The following DENND5B variants were observed in gnomAD, a reference collection of about 807,000 sequenced individuals.
DENND5B encodes the protein DENN domain containing 5B.
DENND5B carries 34 observed loss-of-function variants against 140.6 expected under a neutral mutation model. That is an observed-to-expected ratio of 0.24 (90% CI 0.18 to 0.32). DENND5B has a LOEUF of 0.32. DENND5B is among the 10% of genes least tolerant of loss of function. The pLI is 1.00. For missense variants in DENND5B, 1,142 were observed against 1,560.2 expected, an observed-to-expected ratio of 0.73 and a Z score of 4.52; for synonymous variants, 551 against 562.1, an observed-to-expected ratio of 0.98 and a Z score of 0.28.
At chr12:31,511,507 G>C (rs1377729662) in intron 1 of DENND5B, among the ~76,000 whole-genome samples, 1 of 149,524 alleles carries the variant, frequency 6.7e-6, no homozygotes, top group Non-Finnish European at 1.5e-5. Context: ...TTCCTTTCTT[G>C]GTTATCTTAA....
chr12:31,523,664 C>T (rs1947985194), intron 1 of DENND5B, among the ~76,000 whole-genome samples: 1 of 150,488 alleles, frequency 6.6e-6, no homozygotes, highest in African/African-American at 2.4e-5. Flanking sequence ...AAATTGTACA[C>T]TTCAGAATGG....
chr12:31,568,223 T>A (rs191647385), intron 1 of DENND5B, among the ~76,000 whole-genome samples: 73 of 152,332 alleles, frequency 4.8e-4, no homozygotes, highest in Non-Finnish European at 7.3e-5. Flanking sequence ...GCTACATGAA[T>A]AAGGTACATA....
At chr12:31,459,805 G>C (rs1421587893) in intron 4 of DENND5B, among the ~76,000 whole-genome samples, 1 of 151,916 alleles carries the variant, frequency 6.6e-6, no homozygotes, top group South Asian at 2.1e-4. Context: ...ATTTGATAGA[G>C]GTCAAAAATA....
intron 3 of DENND5B, among the ~76,000 whole-genome samples, chr12:31,472,558 T>G (rs994603179): frequency 6.6e-6 from 1 of 151,980 alleles, no homozygotes; most frequent in East Asian, 1.9e-4. Flanking sequence ...TTCCAAAGCA[T>G]TGGGATTACA....
At chr12:31,565,326 A>G (rs1949589511) in intron 1 of DENND5B, among the ~76,000 whole-genome samples, 1 of 152,140 alleles carries the variant, frequency 6.6e-6, no homozygotes, top group Non-Finnish European at 1.5e-5. Flanking sequence ...CCCAGGAGGC[A>G]GAGGTTGCAG....
At chr12:31,422,574 C>G (rs1439499885) in intron 11 of DENND5B, among the ~76,000 whole-genome samples, 1 of 152,188 alleles carries the variant, frequency 6.6e-6, no homozygotes, top group Non-Finnish European at 1.5e-5. Context: ...GTACTCCAAC[C>G]TGGGTGACAA....
intron 1 of DENND5B, among the ~76,000 whole-genome samples, chr12:31,576,585 T>C (rs945108132): frequency 6.6e-6 from 1 of 152,058 alleles, no homozygotes; most frequent in South Asian, 2.1e-4. Context: ...GACAGACATT[T>C]CCAAGAGTTT....
At chr12:31,417,685 CTAAGCAAACATCT>C (rs1466273725) in intron 11 of DENND5B, among the ~76,000 whole-genome samples, 17 of 152,114 alleles carry the variant, frequency 1.1e-4, no homozygotes, top group Admixed American at 1.1e-3. Flanking sequence ...ATAGCAACGG[CTAAGCAAACATCT>C]ATTGGCTAAT....
intron 1 of DENND5B, chr12:31,534,875 T>C (rs1948426440): frequency 2.4e-6 from 1 of 421,458 alleles, no homozygotes; most frequent in Non-Finnish European, 4.7e-6. Flanking sequence ...ATCTTTGCTG[T>C]CTCCTTTCCC....
chr12:31,457,883 T>C (rs1944850964), intron 4 of DENND5B, among the ~76,000 whole-genome samples: 1 of 151,656 alleles, frequency 6.6e-6, no homozygotes, highest in African/African-American at 2.4e-5. Context: ...CCGGCTATTT[T>C]TTTTGTATTT....
chr12:31,495,535 C>A (rs547269888), intron 2 of DENND5B, among the ~76,000 whole-genome samples: 1 of 152,044 alleles, frequency 6.6e-6, no homozygotes, highest in African/African-American at 2.4e-5. Flanking sequence ...TGTGCCACCA[C>A]ACCTGGCCAA....
At chr12:31,437,554 A>C (rs1156236543) in intron 7 of DENND5B, among the ~76,000 whole-genome samples, 1 of 152,284 alleles carries the variant, frequency 6.6e-6, no homozygotes, top group African/African-American at 2.4e-5. Flanking sequence ...CTTTATTCCA[A>C]GACTCACATT....
At chr12:31,523,466 C>A (rs1453113641) in intron 1 of DENND5B, among the ~76,000 whole-genome samples, 1 of 152,152 alleles carries the variant, frequency 6.6e-6, no homozygotes, top group Non-Finnish European at 1.5e-5. Flanking sequence ...AGCGGGAATG[C>A]AGTGGCCTAA....
At chr12:31,556,257 T>C (rs142947265) in intron 1 of DENND5B, among the ~76,000 whole-genome samples, 1,752 of 152,056 alleles carry the variant, frequency 0.012, 23 homozygotes, top group African/African-American at 0.04. Flanking sequence ...CAGACTGGAG[T>C]GGAGCAGCAT....
intron 17 of DENND5B, among the ~76,000 whole-genome samples, chr12:31,393,909 C>T (rs1292920659): frequency 5.9e-5 from 9 of 152,230 alleles, no homozygotes; most frequent in African/African-American, 1.9e-4. Context: ...ACGCTGGTCT[C>T]GAACTCCTGA....
At chr12:31,499,503 T>A in intron 1 of DENND5B, 1 of 907,164 alleles carries the variant, frequency 1.1e-6, no homozygotes, top group African/African-American at 1.7e-5. Context: ...CATCTACAAG[T>A]CTGACCAAGC....
intron 4 of DENND5B, among the ~76,000 whole-genome samples, chr12:31,457,034 T>C (rs1180368043): frequency 1.3e-5 from 2 of 152,212 alleles, no homozygotes; most frequent in African/African-American, 2.4e-5. Context: ...CAGTGAGCTG[T>C]GCCACCACAT....
chr12:31,551,811 A>G (rs1249344105), intron 1 of DENND5B, among the ~76,000 whole-genome samples: 1 of 152,166 alleles, frequency 6.6e-6, no homozygotes, highest in African/African-American at 2.4e-5. Flanking sequence ...TAGGTATTTT[A>G]TTCTCTTTGA....
chr12:31,541,678 C>T (rs1455123082), intron 1 of DENND5B, among the ~76,000 whole-genome samples: 2 of 152,190 alleles, frequency 1.3e-5, no homozygotes, highest in African/African-American at 2.4e-5. Context: ...ACCATATGAT[C>T]CAGTGATCCC....
Sources: gnomAD v4.1 joint callset for allele counts (sites outside exome capture counted in the v4.1 genomes callset) on GRCh38, gnomAD v4.1.1 for gene constraint, MANE v1.5 for transcripts, NCBI Gene and HGNC (gene_info 2026-07-23, HGNC 2026-07-21) for gene names.